CACNA2D2: variants seen among roughly 807,000 people sequenced by gnomAD.
The protein encoded by CACNA2D2 is calcium voltage-gated channel auxiliary subunit alpha2delta 2, also known as voltage-dependent calcium channel subunit alpha-2/delta-2.
Under a neutral mutation model 166.4 loss-of-function variants are expected in CACNA2D2, and 48 were observed. The observed-to-expected ratio is 0.29, with a 90% CI of 0.23 to 0.37. The LOEUF (loss-of-function observed/expected upper bound fraction) is 0.37, where lower values mean the gene tolerates loss of function less well. Among genes scored for constraint, CACNA2D2 ranks in the 10% least tolerant of loss-of-function variants. The pLI is 1.00. For missense variants in CACNA2D2, 1,122 were observed against 1,433.0 expected (o/e 0.78, Z 3.50); for synonymous variants, 561 against 573.7 (o/e 0.98, Z 0.32).
At chr3:50,466,769 A>G (rs1337970014) in intron 2 of CACNA2D2, among the ~76,000 whole-genome samples, 1 of 152,216 alleles carries the variant, frequency 6.6e-6, no homozygotes, top group Non-Finnish European at 1.5e-5. Context: ...GACTCCTGGA[A>G]AGCCTGGGCA....
chr3:50,446,079 C>G (rs1375714711), intron 2 of CACNA2D2, among the ~76,000 whole-genome samples: 10 of 152,272 alleles, frequency 6.6e-5, no homozygotes, highest in Non-Finnish European at 1.0e-4. Context: ...CCCGGCCACA[C>G]TGGCAAACAC....
chr3:50,461,883 G>T (rs1046122428), intron 2 of CACNA2D2, among the ~76,000 whole-genome samples: 1 of 152,216 alleles, frequency 6.6e-6, no homozygotes, highest in Non-Finnish European at 1.5e-5. Flanking sequence ...AACCCCAAGA[G>T]GGGGAAAGGA....
At chr3:50,468,401 G>GTGTGTGTGTGTGTC in intron 2 of CACNA2D2, among the ~76,000 whole-genome samples, 1 of 142,964 alleles carries the variant, frequency 7.0e-6, no homozygotes, top group African/African-American at 2.6e-5. Context: ...GTGTGTGTGT[G>GTGTGTGTGTGTGTC]TGTGTGTGTG....
chr3:50,443,127 C>T (rs1291219464), intron 2 of CACNA2D2, among the ~76,000 whole-genome samples: 1 of 152,226 alleles, frequency 6.6e-6, no homozygotes, highest in Non-Finnish European at 1.5e-5. Context: ...AGCATACCAG[C>T]TGGCACGGGG....
intron 2 of CACNA2D2, among the ~76,000 whole-genome samples, chr3:50,467,753 T>C (rs951090824): frequency 2.6e-5 from 4 of 152,152 alleles, no homozygotes; most frequent in African/African-American, 7.2e-5. Context: ...CCCCTCTCCA[T>C]GGAGCAGGCC....
intron 3 of CACNA2D2, among the ~76,000 whole-genome samples, chr3:50,403,881 T>C: frequency 6.6e-6 from 1 of 152,208 alleles, no homozygotes; most frequent in African/African-American, 2.4e-5. Flanking sequence ...GGAATCCTGG[T>C]GCCCTGTAGG....
chr3:50,446,024 C>T (rs966876062), intron 2 of CACNA2D2, among the ~76,000 whole-genome samples: 1 of 152,250 alleles, frequency 6.6e-6, no homozygotes, highest in African/African-American at 2.4e-5. Flanking sequence ...CGCATCCGTG[C>T]ACAGTGTTTG....
intron 1 of CACNA2D2, among the ~76,000 whole-genome samples, chr3:50,480,318 A>G (rs1490797751): frequency 6.6e-6 from 1 of 152,208 alleles, no homozygotes; most frequent in Non-Finnish European, 1.5e-5. Flanking sequence ...AACAGGGGTA[A>G]TAATGACTGG....
Position 50,365,202 on chromosome 3 carries a change from A to C in CACNA2D2, c.3099-18T>G. 1 of 1,611,072 alleles carries C rather than the reference A, an allele frequency of 6.2e-7. No homozygotes were observed. The highest frequency in any genetic ancestry group is 8.5e-7 in the Non-Finnish European group (1 of 1,179,158). ...GGAACAGCCTGCGGGCAGCCCGGAA[A>C]GGCGGGGCGTTGAGTTTGCCCCGCC... On this transcript the variant is annotated intron_variant, in intron 35 of 37. Coordinates refer to ENST00000424201, the MANE Select transcript of CACNA2D2 (RefSeq NM_006030.4). The surrounding 1 kb of genome is among the most constrained non-coding windows in gnomAD (Gnocchi z 4.5).
chr3:50,367,176 C>CCAGCA lies in CACNA2D2; in HGVS notation c.2402-68_2402-67insTGCTG. 7.9e-7 allele frequency: 1 copy of CCAGCA among 1,261,834 alleles called. No homozygotes were observed. The highest frequency in any genetic ancestry group is 1.1e-6 in the Non-Finnish European group (1 of 874,764). The allele number at this position is 1,261,834 out of a possible 1,614,324, so 78.2% of individuals were successfully genotyped here. On this transcript the variant is annotated intron_variant, in intron 27 of 37. Transcript: ENST00000424201. The surrounding 1 kb of genome is among the most constrained non-coding windows in gnomAD (Gnocchi z 6.5). ...CACACTGACCACTCTATGCTGGGTC[C>CCAGCA]TACAAACCCAGCAGTCCAATCCCGG...
chr3:50,484,802 C>T (rs149159414), intron 1 of CACNA2D2, among the ~76,000 whole-genome samples: 99 of 152,362 alleles, frequency 6.5e-4, no homozygotes, highest in African/African-American at 2.4e-3. Flanking sequence ...TGCTCTCCCG[C>T]CTGGAAGAAC....
At position 50,394,109 on chromosome 3, in the gene CACNA2D2, C is replaced by G; in HGVS notation, c.465G>C (p.Lys155Asn). The change falls in exon 4 of 38, where the codon AAG becomes AAC. Residue 155 changes from lysine to asparagine, a missense_variant and splice_region_variant. Around this residue, in one of 2 missense-constraint regions of CACNA2D2, gnomAD observed 840 missense variants for 1,166.8 expected, o/e 0.72. Coordinates refer to ENST00000424201, the MANE Select transcript of CACNA2D2 (RefSeq NM_006030.4). ...CTGGGCAGGGTGCTGGGGTTCCTAC[C>G]TTGATGTTGTCCTGCCAGCGGTGTG... is the stretch of plus-strand genomic sequence containing the variant. ...QKAHRWQDNIKEEDIVYYDAK... is the reference protein window; with the variant it reads ...QKAHRWQDNINEEDIVYYDAK... 6.2e-7 allele frequency: 1 copy of G among 1,614,046 alleles called. No homozygotes were observed.
At chr3:50,481,738 G>A (rs1698065662) in intron 1 of CACNA2D2, among the ~76,000 whole-genome samples, 1 of 152,228 alleles carries the variant, frequency 6.6e-6, no homozygotes, top group East Asian at 1.9e-4. Flanking sequence ...GCTCACCCCT[G>A]TAACCCCAGC....
In CACNA2D2 at chr3:50,366,911, C is replaced by T. The variant is rs199555638; in HGVS notation, c.2509G>A (p.Val837Ile). 15 of 1,613,600 alleles carry T rather than the reference C, an allele frequency of 9.3e-6. No individual in the cohort carries two copies. Among genetic ancestry groups the T allele is most frequent in the East Asian group, 2.2e-5 (1 of 44,898 alleles). Residue 837 changes from valine (V) to isoleucine (I), a missense_variant, in exon 29 of 38, where the codon GTC becomes ATC. Val to Ile is a conservative substitution (Grantham distance 29). Coordinates refer to ENST00000424201, the MANE Select transcript of CACNA2D2 (RefSeq NM_006030.4). This position sits in a 1 kb window ranked among gnomAD's most constrained non-coding sequence, Gnocchi z 5.9. The stretch of plus-strand genomic sequence containing the variant: ...GCCCAAGCCTCTAGGTCCAGCTTGA[C>T]GCCCACCACTTTGGGGGAGAGCAAG... ...RRTLRPAVVGVKLDLEAWAEK... is the reference protein window; with the variant it reads ...RRTLRPAVVGIKLDLEAWAEK...
At chr3:50,377,443 G>A (rs758282023) in intron 17 of CACNA2D2, 24 bp downstream of exon 17, 4 of 1,598,772 alleles carry the variant, frequency 2.5e-6, no homozygotes, top group East Asian at 4.5e-5. Flanking sequence ...GGCAGGGTAC[G>A]CGGATGGGCA....
rs906665513 is a variant in CACNA2D2 at position 50,444,526 on chromosome 3, G to C, written c.289-10097C>G. Among the ~76,000 whole-genome samples, 3 of 152,318 alleles carry C rather than the reference G, an allele frequency of 2.0e-5. No homozygotes were observed. In the South Asian group the frequency reaches 6.2e-4, roughly 32 times the overall value. The stretch of plus-strand genomic sequence containing the variant: ...GTGGGGTGCTGGTGGCTTTTCATGG[G>C]ACCGCCTTCCAGGGTTGCTCCCAAG... On this transcript the variant is annotated intron_variant, in intron 2 of 37. Coordinates refer to ENST00000424201, the MANE Select transcript of CACNA2D2 (RefSeq NM_006030.4).
Position 50,366,375 on chromosome 3 carries a change from G to C in CACNA2D2, c.2638-37C>G. ...GGAATGGGGAGGAAAATGGAGAGGG[G>C]CTGGGCCCCGGACCTTCCACCGCAG... is the stretch of plus-strand genomic sequence containing the variant. On this transcript the variant is annotated intron_variant, in intron 30 of 37. Coordinates refer to ENST00000424201, the MANE Select transcript of CACNA2D2 (RefSeq NM_006030.4). The surrounding 1 kb of genome is among the most constrained non-coding windows in gnomAD (Gnocchi z 5.9). 3.7e-6 allele frequency: 6 copies of C among 1,604,590 alleles called. No homozygotes were observed. Among genetic ancestry groups the C allele is most frequent in the Non-Finnish European group, 3.4e-6 (4 of 1,171,492 alleles).
intron 3 of CACNA2D2, among the ~76,000 whole-genome samples, chr3:50,410,744 G>A (rs1220331149): frequency 6.6e-6 from 1 of 152,242 alleles, no homozygotes; most frequent in African/African-American, 2.4e-5. Context: ...TGTCCACGGA[G>A]GGAGCTGTTC....
chr3:50,393,996 C>G (rs1706016636), intron 4 of CACNA2D2, 113 bp downstream of exon 4: 3 of 914,010 alleles, frequency 3.3e-6, no homozygotes, highest in Non-Finnish European at 5.3e-6. Context: ...TGGCTCTACT[C>G]CACAGACCCC....
Sources: gnomAD v4.1 joint callset for allele counts (sites outside exome capture counted in the v4.1 genomes callset) on GRCh38, gnomAD v4.1.1 for gene constraint, gnomAD v4.1.1 regional missense constraint, Gnocchi (gnomAD v3.1) non-coding constraint, MANE v1.5 for transcripts, NCBI Gene and HGNC (gene_info 2026-07-23, HGNC 2026-07-21) for gene names.